The following SLC44A5 variants were observed in gnomAD, a reference collection of about 807,000 sequenced individuals.
SLC44A5 encodes solute carrier family 44 member 5, also known as choline transporter-like protein 5.
Under a neutral mutation model 101.8 loss-of-function variants are expected in SLC44A5, and 57 were observed. The ratio of observed to expected loss-of-function variants is 0.56; its 90% confidence interval spans 0.45 to 0.70. SLC44A5 has a LOEUF of 0.70. Ranked by LOEUF, SLC44A5 falls within the 30% of genes least tolerant of loss-of-function variation. The probability of loss-of-function intolerance (pLI) is 0.00; values close to 1 mark genes in which losing one functional copy is unlikely to be tolerated. For missense variants in SLC44A5, 737 were observed against 853.1 expected (o/e 0.86, Z 1.70); for synonymous variants, 281 against 290.9 (o/e 0.97, Z 0.35).
the SLC44A5 span, among the ~76,000 whole-genome samples, chr1:75,666,246 A>T: frequency 9.1e-3 from 1,381 of 151,336 alleles, 22 homozygotes; most frequent in African/African-American, 0.032. Context: ...TGGATTGCAT[A>T]AAAAAAATGT....
chr1:75,685,938 A>T, the SLC44A5 span, among the ~76,000 whole-genome samples: 1 of 152,306 alleles, frequency 6.6e-6, no homozygotes, highest in South Asian at 2.1e-4. Context: ...AAGTCTCACC[A>T]TGACTTACAA....
intron 5 of SLC44A5, among the ~76,000 whole-genome samples, chr1:75,296,988 A>G (rs2100846313): frequency 6.6e-6 from 1 of 152,252 alleles, no homozygotes; most frequent in Middle Eastern, 3.4e-3. Context: ...AGTGGACACT[A>G]ATTATCCCTG....
chr1:75,281,123 G>A (rs972498779), intron 5 of SLC44A5, among the ~76,000 whole-genome samples: 4 of 152,120 alleles, frequency 2.6e-5, no homozygotes, highest in African/African-American at 4.8e-5. Flanking sequence ...ACAGGTAGAG[G>A]TGGGAAAGTT....
intron 4 of SLC44A5, among the ~76,000 whole-genome samples, chr1:75,316,170 T>G (rs1249666): frequency 6.6e-6 from 1 of 152,142 alleles, no homozygotes; most frequent in Non-Finnish European, 1.5e-5. Context: ...CTGCTCAAAA[T>G]TACTTTTTAT....
chr1:75,457,340 T>A (rs1001648850), intron 2 of SLC44A5, among the ~76,000 whole-genome samples: 14 of 151,960 alleles, frequency 9.2e-5, no homozygotes, highest in African/African-American at 3.4e-4. Flanking sequence ...TCACAGAAGA[T>A]GCTTTAAAAA....
rs772546699 is a variant in SLC44A5, at chr1:75,541,435, C to T, written c.13G>A (p.Glu5Lys). The change falls in exon 2 of 24, where the codon GAA (glutamate) becomes AAA (lysine). Residue 5 changes from glutamate (E) to lysine (K), a missense_variant and splice_region_variant. By Grantham distance (56) the Glu-to-Lys change is moderately conservative (BLOSUM62 1). Coordinates refer to ENST00000370859, the MANE Select transcript of SLC44A5 (RefSeq NM_001130058.2). The stretch of plus-strand genomic sequence containing the variant: ...GAACTTAATTCAAGTAGGTGATTAC[C>T]TGTGTCATTCATTGAGATAAAAGGC... MNDT[E>K]KPADTPSEEE... The T allele has an allele frequency of 1.0e-5, 16 of 1,607,258 alleles. No homozygotes were observed. Among genetic ancestry groups the T allele is most frequent in the Middle Eastern group, 1.7e-4 (1 of 6,034 alleles).
At chr1:75,696,691 C>T in the SLC44A5 span, among the ~76,000 whole-genome samples, 3 of 151,728 alleles carry the variant, frequency 2.0e-5, no homozygotes, top group African/African-American at 4.8e-5. Flanking sequence ...GTCAGGAGAT[C>T]GAGACCATCC....
rs766953532 is a variant in SLC44A5 at position 75,219,241 on chromosome 1, AG to A, written c.1266+15del. ...CTATATTGAAGTAAGTAAATGAAAG[AG>A]TTTCTTGTACTTACCTCTGGGTCAC... On this transcript the variant is annotated intron_variant, in intron 16 of 23. Coordinates refer to ENST00000370859, the MANE Select transcript of SLC44A5 (RefSeq NM_001130058.2). The A allele has an allele frequency of 6.6e-7, 1 of 1,526,320 alleles. No homozygotes were observed. Among genetic ancestry groups the A allele is most frequent in the South Asian group, 1.1e-5 (1 of 89,304 alleles). 94.5% of individuals were successfully genotyped at this position (1,526,320 alleles called of 1,614,324 possible). A position where few individuals can be genotyped will look rare whatever the true frequency, so the allele number is the denominator to read the frequency against.
At chr1:75,676,175 A>G in the SLC44A5 span, among the ~76,000 whole-genome samples, 2 of 152,244 alleles carry the variant, frequency 1.3e-5, no homozygotes, top group Non-Finnish European at 2.9e-5. Flanking sequence ...ATACCGTTTG[A>G]TGCAGCAATC....
chr1:75,444,510 A>G (rs911677014), intron 2 of SLC44A5, among the ~76,000 whole-genome samples: 7 of 114,698 alleles, frequency 6.1e-5, no homozygotes, highest in Admixed American at 1.6e-4. Context: ...AAGAAAGAAA[A>G]AGAAAAGAAA....
the SLC44A5 span, among the ~76,000 whole-genome samples, chr1:75,634,257 C>T: frequency 1.3e-5 from 2 of 152,060 alleles, no homozygotes; most frequent in African/African-American, 4.8e-5. Flanking sequence ...GGGAGGATTC[C>T]CTCTTTTTCT....
intron 2 of SLC44A5, among the ~76,000 whole-genome samples, chr1:75,420,257 T>C (rs1462140842): frequency 1.3e-5 from 2 of 152,104 alleles, no homozygotes; most frequent in East Asian, 1.9e-4. Context: ...ACCCAGTCTA[T>C]GGTAGTTTGT....
intron 1 of SLC44A5, among the ~76,000 whole-genome samples, chr1:75,583,589 T>G (rs1350864012): frequency 6.6e-6 from 1 of 152,166 alleles, no homozygotes; most frequent in Non-Finnish European, 1.5e-5. Context: ...TCCTTTGTCT[T>G]TTCCAGAAAA....
intron 3 of SLC44A5, among the ~76,000 whole-genome samples, chr1:75,395,051 C>T (rs1224058445): frequency 3.3e-5 from 5 of 151,958 alleles, no homozygotes; most frequent in Admixed American, 2.6e-4. Flanking sequence ...TACTTCTGTC[C>T]ATTCAAGCAG....
intron 5 of SLC44A5, among the ~76,000 whole-genome samples, chr1:75,276,665 T>C (rs951496530): frequency 1.3e-5 from 2 of 152,176 alleles, no homozygotes; most frequent in African/African-American, 4.8e-5. Flanking sequence ...GCATACAATA[T>C]GGACTCAGTA....
intron 3 of SLC44A5, among the ~76,000 whole-genome samples, chr1:75,366,760 A>T (rs186754654): frequency 2.0e-5 from 3 of 151,818 alleles, no homozygotes; most frequent in Non-Finnish European, 4.4e-5. Context: ...ATTTCAAATG[A>T]GCTATATTTG....
At chr1:75,659,599 T>C in the SLC44A5 span, among the ~76,000 whole-genome samples, 1 of 111,766 alleles carries the variant, frequency 8.9e-6, no homozygotes, top group East Asian at 2.5e-4. Flanking sequence ...AGACCAGCCT[T>C]GGCAACATTG....
intron 3 of SLC44A5, among the ~76,000 whole-genome samples, chr1:75,390,208 G>T (rs1380460602): frequency 6.6e-6 from 1 of 151,846 alleles, no homozygotes; most frequent in Non-Finnish European, 1.5e-5. Context: ...GACAAACTCA[G>T]AGCCAAATTC....
chr1:75,555,658 T>G (rs1196303197), intron 1 of SLC44A5, among the ~76,000 whole-genome samples: 1 of 151,632 alleles, frequency 6.6e-6, no homozygotes, highest in South Asian at 2.1e-4. Flanking sequence ...CTCTTATTTA[T>G]AATAAGACAC....
Sources: gnomAD v4.1 joint callset for allele counts (sites outside exome capture counted in the v4.1 genomes callset) on GRCh38, gnomAD v4.1.1 for gene constraint, MANE v1.5 for transcripts, NCBI Gene and HGNC (gene_info 2026-07-23, HGNC 2026-07-21) for gene names.